Variants in ARHGAP36 observed in about 807,000 individuals in gnomAD.
ARHGAP36 encodes the protein Rho GTPase activating protein 36.
Under a neutral mutation model 32.9 loss-of-function variants are expected in ARHGAP36, and 7 were observed. That is an observed-to-expected ratio of 0.21 (90% CI 0.12 to 0.40). ARHGAP36 has a LOEUF of 0.40. Among genes scored for constraint, ARHGAP36 ranks in the 10% least tolerant of loss-of-function variants. ARHGAP36 has a pLI of 1.00. For synonymous variants in ARHGAP36, 165 were observed against 168.3 expected (o/e 0.98, Z 0.15); for missense variants, 383 against 442.2 (o/e 0.87, Z 1.20).
rs776977304 is a variant in ARHGAP36 at position 131,080,751 on chromosome X, T to C, written c.-142-773T>C. On this transcript the variant is annotated intron_variant, in intron 1 of 11. Transcript: ENST00000276211. Reference sequence around the variant, plus strand: ...TGTTTGTTGGTTTTGGTACAAATGATTTTTTTATGAAAAAGTAATATAATG... The same window carrying C: ...TGTTTGTTGGTTTTGGTACAAATGACTTTTTTATGAAAAAGTAATATAATG... Among the ~76,000 whole-genome samples, 6 of 112,646 alleles carry C rather than the reference T, an allele frequency of 5.3e-5. No homozygotes were observed. The East Asian group carries it at 1.7e-3, about 31-fold the overall frequency.
intron 1 of ARHGAP36, among the ~76,000 whole-genome samples, chrX:131,063,765 T>C (rs191679229): frequency 0.022 from 1,953 of 88,278 alleles, 24 homozygotes; most frequent in Non-Finnish European, 0.032. Context: ...CACCGCTCCC[T>C]GCTTAAATGC....
intron 1 of ARHGAP36, among the ~76,000 whole-genome samples, chrX:131,060,691 A>G (rs778324891): frequency 8.9e-6 from 1 of 112,489 alleles, no homozygotes; most frequent in East Asian, 2.8e-4. Context: ...CCTGTTCCCC[A>G]ACATACCCCT....
At position 131,085,004 on chromosome X, in the gene ARHGAP36, C is replaced by A; in HGVS notation, c.895C>A (p.Arg299Ser). The A allele has an allele frequency of 4.1e-6, 5 of 1,211,505 alleles. No homozygotes were observed. The highest frequency in any genetic ancestry group is 1.8e-5 in the South Asian group (1 of 56,953). ...DVAALLKEFFRDMKDSLLPDD... is the reference protein window; with the variant it reads ...DVAALLKEFFSDMKDSLLPDD... ...GGCTGCACTCCTCAAGGAGTTTTTC[C>A]GTGACATGAAGGATTCTCTGCTGCC... The change falls in exon 7 of 12, where the codon CGT becomes AGT. Residue 299 changes from arginine to serine, a missense_variant. Coordinates refer to ENST00000276211, the MANE Select transcript of ARHGAP36 (RefSeq NM_144967.4).
rs2079850822 is a variant in ARHGAP36 at position 131,088,793 on chromosome X, T to C, written c.*8T>C. ...AGCTACTTCTTTCCTTAGATGTTTT[T>C]CCTTCTATAAGGTGCCAGACAGGGG... On this transcript the variant is annotated 3_prime_UTR_variant, in exon 12 of 12. Coordinates refer to ENST00000276211, the MANE Select transcript of ARHGAP36 (RefSeq NM_144967.4). 3.3e-6 allele frequency: 4 copies of C among 1,202,330 alleles called. No homozygotes were observed. Among genetic ancestry groups the C allele is most frequent in the Non-Finnish European group, 4.5e-6 (4 of 891,692 alleles).
Position 131,083,881 on chromosome X carries a change from G to T in ARHGAP36, c.467G>T (p.Arg156Leu), listed in dbSNP as rs752928021. Reference protein sequence around the residue: ...AAGRRRGNVVRRVFGRIRRFF... With the variant: ...AAGRRRGNVVLRVFGRIRRFF... ...GGCCGTCGTCGGGGAAACGTGGTGC[G>T]AAGGGTGTTTGGCCGCATCCGGCGC... is the stretch of plus-strand genomic sequence containing the variant. Residue 156 changes from arginine (R) to leucine (L), a missense_variant, in exon 4 of 12, where the codon CGA becomes CTA. Arg to Leu is a moderately radical substitution (Grantham distance 102, BLOSUM62 -2). Around this residue, in one of 2 missense-constraint regions of ARHGAP36, gnomAD observed 156 missense variants for 131.0 expected, o/e 1.19. Coordinates refer to ENST00000276211, the MANE Select transcript of ARHGAP36 (RefSeq NM_144967.4). 4.9e-6 allele frequency: 6 copies of T among 1,212,298 alleles called. No individual in the cohort carries two copies. In the South Asian group the frequency reaches 8.8e-5, roughly 18 times the overall value.
intron 1 of ARHGAP36, among the ~76,000 whole-genome samples, chrX:131,066,609 T>C (rs1186139383): frequency 1.2e-4 from 13 of 111,801 alleles, no homozygotes; most frequent in Non-Finnish European, 2.1e-4. Flanking sequence ...AAAAGAAAGA[T>C]TTGTAGAGAA....
At chrX:131,073,451 G>T (rs2079743065) in intron 1 of ARHGAP36, among the ~76,000 whole-genome samples, 1 of 112,109 alleles carries the variant, frequency 8.9e-6, no homozygotes, top group African/African-American at 3.2e-5. Context: ...CCGAGGGCAC[G>T]CAGCGGGACG....
intron 11 of ARHGAP36, among the ~76,000 whole-genome samples, chrX:131,087,817 T>C (rs1839665456): frequency 1.8e-5 from 2 of 112,034 alleles, no homozygotes; most frequent in Non-Finnish European, 3.8e-5. Context: ...AAGAAAGCCC[T>C]AGTCTTGAAG....
In ARHGAP36 at chrX:131,083,745, A is replaced by G. The variant is rs2079818770; in HGVS notation, c.331A>G (p.Lys111Glu). The G allele has an allele frequency of 8.3e-7, 1 of 1,211,172 alleles. No individual in the cohort carries two copies. Among genetic ancestry groups the G allele is most frequent in the Non-Finnish European group, 1.1e-6 (1 of 894,972 alleles). Residue 111 changes from lysine (K) to glutamate (E), a missense_variant, in exon 4 of 12, where the codon AAG becomes GAG. Lys to Glu is a moderately conservative substitution (Grantham distance 56). This residue lies in a region of ARHGAP36 where 156 missense variants were observed against 131.0 expected (regional missense o/e 1.19). Coordinates refer to ENST00000276211, the MANE Select transcript of ARHGAP36 (RefSeq NM_144967.4). The stretch of plus-strand genomic sequence containing the variant: ...TCGTGGCTCCCCAGCTGTATCACAC[A>G]AGACATTTGGCATTAGCCTGGAAGA... Reference protein sequence around the residue: ...LRGQQRAVSHKTFGISLEEVL... With the variant: ...LRGQQRAVSHETFGISLEEVL...
intron 1 of ARHGAP36, among the ~76,000 whole-genome samples, chrX:131,081,317 A>C (rs1290563489): frequency 1.8e-5 from 2 of 110,680 alleles, no homozygotes; most frequent in Non-Finnish European, 3.8e-5. Context: ...AACCTCTAAA[A>C]ACGCTCTAAT....
chrX:131,058,423 T>C lies in ARHGAP36; in HGVS notation c.-164T>C. 1 of 1,091,517 alleles carries C rather than the reference T, an allele frequency of 9.2e-7. No homozygotes were observed. Among genetic ancestry groups the C allele is most frequent in the Non-Finnish European group, 1.2e-6 (1 of 833,173 alleles). The allele number at this position is 1,091,517 out of a possible 1,213,427, so 90.0% of individuals were successfully genotyped here. A position where few individuals can be genotyped will look rare whatever the true frequency, so the allele number is the denominator to read the frequency against. On this transcript the variant is annotated 5_prime_UTR_variant, in exon 1 of 12. Transcript: ENST00000276211. ...ACTGGACTGCCTTTTCGCCTCGGCCTTTGAGCCCCGCCCCCGCCGTGGTGA... is the reference window on the plus strand; with the variant it reads ...ACTGGACTGCCTTTTCGCCTCGGCCCTTGAGCCCCGCCCCCGCCGTGGTGA...
chrX:131,060,904 G>A (rs1233845954), intron 1 of ARHGAP36, among the ~76,000 whole-genome samples: 2 of 112,427 alleles, frequency 1.8e-5, no homozygotes, highest in Non-Finnish European at 3.8e-5. Flanking sequence ...CTCCCCCTGA[G>A]AAATGCTGTA....
At position 131,083,972 on chromosome X, in the gene ARHGAP36, G is replaced by A. The variant is rs759081450; in HGVS notation, c.555+3G>A. The A allele has an allele frequency of 3.1e-5, 38 of 1,207,621 alleles. No homozygotes were observed. The East Asian group carries it at 5.9e-4, about 19-fold the overall frequency. On this transcript the variant is annotated splice_donor_region_variant and intron_variant, in intron 4 of 11. Transcript: ENST00000276211. ...AGTTCACTCGCCGTGGGCGTCGAGTGAGTTAAACCCTCCAGGTTTCAGGCA... is the reference window on the plus strand; with the variant it reads ...AGTTCACTCGCCGTGGGCGTCGAGTAAGTTAAACCCTCCAGGTTTCAGGCA...
Position 131,081,829 on chromosome X carries a change from T to C in ARHGAP36, c.164T>C (p.Leu55Pro), listed in dbSNP as rs1394960172. 8.3e-7 allele frequency: 1 copy of C among 1,211,940 alleles called. No homozygotes were observed. The highest frequency in any genetic ancestry group is 1.1e-6 in the Non-Finnish European group (1 of 895,566). ...RRTKMVSIHS[L>P]SELERLKLQE... ...ACGAAGATGGTATCGATACACAGCC[T>C]CTCTGAGCTGGAGCGTCTGAAGCTG... The change falls in exon 2 of 12, where the codon CTC (leucine) becomes CCC (proline). Residue 55 changes from leucine (L) to proline (P), a missense_variant. Leu to Pro is a moderately conservative substitution (Grantham distance 98, BLOSUM62 -3). Coordinates refer to ENST00000276211, the MANE Select transcript of ARHGAP36 (RefSeq NM_144967.4).
At chrX:131,067,077 C>T (rs2079702497) in intron 1 of ARHGAP36, among the ~76,000 whole-genome samples, 2 of 112,082 alleles carry the variant, frequency 1.8e-5, no homozygotes, top group African/African-American at 6.5e-5. Flanking sequence ...CTCAAAGAAG[C>T]GAGCCCTCAG....
intron 1 of ARHGAP36, among the ~76,000 whole-genome samples, chrX:131,073,510 C>T (rs1010719183): frequency 6.2e-5 from 7 of 112,893 alleles, no homozygotes; most frequent in Non-Finnish European, 9.4e-5. Context: ...GTCCCCTGCA[C>T]TCTGGCCCCT....
chrX:131,058,954 C>T (rs1361294367), intron 1 of ARHGAP36, among the ~76,000 whole-genome samples: 1 of 112,595 alleles, frequency 8.9e-6, no homozygotes, highest in Non-Finnish European at 1.9e-5. Flanking sequence ...GATGATGACA[C>T]TGAAGATGGG....
intron 1 of ARHGAP36, among the ~76,000 whole-genome samples, chrX:131,064,581 G>A (rs2079687406): frequency 8.9e-6 from 1 of 111,857 alleles, no homozygotes; most frequent in South Asian, 3.8e-4. Flanking sequence ...TTAGTCATCT[G>A]AGCAATTCTA....
In ARHGAP36 at chrX:131,088,667, G is replaced by A. The variant is rs182540216; in HGVS notation, c.1526G>A (p.Arg509His). Reference protein sequence around the residue: ...EEPAVPSGTARSHDDEEGAGN... With the variant: ...EEPAVPSGTAHSHDDEEGAGN... The stretch of plus-strand genomic sequence containing the variant: ...CCAGCTGTGCCTTCCGGCACTGCCC[G>A]TTCCCATGACGATGAGGAAGGAGCG... The change falls in exon 12 of 12, where the codon CGT becomes CAT. Residue 509 changes from arginine (R) to histidine (H), a missense_variant. By Grantham distance (29) the Arg-to-His change is conservative (BLOSUM62 0). Transcript: ENST00000276211. 98 of 1,209,731 alleles carry A rather than the reference G, an allele frequency of 8.1e-5. No individual in the cohort carries two copies. Among genetic ancestry groups the A allele is most frequent in the Admixed American group, 2.0e-4 (9 of 45,753 alleles).
Sources: gnomAD v4.1 joint callset for allele counts (sites outside exome capture counted in the v4.1 genomes callset) on GRCh38, gnomAD v4.1.1 for gene constraint, gnomAD v4.1.1 regional missense constraint, MANE v1.5 for transcripts, NCBI Gene and HGNC (gene_info 2026-07-23, HGNC 2026-07-21) for gene names.